The following MRTFA variants were observed in gnomAD, a reference collection of about 807,000 sequenced individuals.
MRTFA encodes the protein myocardin-related transcription factor A.
MRTFA carries 20 observed loss-of-function variants against 83.5 expected under a neutral mutation model. The ratio of observed to expected loss-of-function variants is 0.24; its 90% CI spans 0.17 to 0.35. The LOEUF is 0.35. Among genes scored for constraint, MRTFA ranks in the 10% least tolerant of loss-of-function variants. The probability of loss-of-function intolerance (pLI) is 1.00; values close to 1 mark genes in which losing one functional copy is unlikely to be tolerated. For missense variants in MRTFA, 1,200 were observed against 1,224.7 expected, an observed-to-expected ratio of 0.98 and a Z score of 0.30; for synonymous variants, 659 against 541.2, an observed-to-expected ratio of 1.22 and a Z score of -3.02.
chr22:40,554,326 C>T (rs185280151), intron 2 of MRTFA, among the ~76,000 whole-genome samples: 1 of 152,094 alleles, frequency 6.6e-6, no homozygotes, highest in South Asian at 2.1e-4. Flanking sequence ...GGCTGTGTCC[C>T]CACCCAAATC....
chr22:40,433,070 C>T (rs1569262062), intron 5 of MRTFA: 1 of 152,368 alleles, frequency 6.6e-6, no homozygotes, highest in South Asian at 2.1e-4. Flanking sequence ...AAAAGCTCCT[C>T]ATCCCTTCCC....
intron 1 of MRTFA, among the ~76,000 whole-genome samples, chr22:40,633,381 G>C (rs2056661407): frequency 6.6e-6 from 1 of 152,186 alleles, no homozygotes; most frequent in Non-Finnish European, 1.5e-5. Flanking sequence ...TAGTATATGA[G>C]CTTGCCACAG....
chr22:40,610,026 CTGTT>C (rs779219795), intron 1 of MRTFA, among the ~76,000 whole-genome samples: 11 of 148,358 alleles, frequency 7.4e-5, no homozygotes, highest in Non-Finnish European at 1.3e-4. Flanking sequence ...TTCCAAATGT[CTGTT>C]TCTTTTTTTT....
intron 3 of MRTFA, among the ~76,000 whole-genome samples, chr22:40,546,648 T>A (rs2055368874): frequency 6.6e-6 from 1 of 152,220 alleles, no homozygotes; most frequent in Non-Finnish European, 1.5e-5. Flanking sequence ...GACTGTAAAC[T>A]ATTCTTTCAG....
At chr22:40,502,154 G>GA (rs2054497478) in intron 3 of MRTFA, among the ~76,000 whole-genome samples, 13 of 142,354 alleles carry the variant, frequency 9.1e-5, no homozygotes, top group East Asian at 2.2e-4. Flanking sequence ...GGCCGGGCGG[G>GA]GGGCTGACCC....
chr22:40,587,464 C>CT, intron 2 of MRTFA: 1 of 333,700 alleles, frequency 3.0e-6, no homozygotes, highest in Non-Finnish European at 5.8e-6. Flanking sequence ...AGGCATAGCC[C>CT]TTTTTTGTAT....
At position 40,418,844 on chromosome 22, in the gene MRTFA, T is replaced by G; in HGVS notation, c.1894A>C (p.Lys632Gln). The G allele has an allele frequency of 6.2e-7, 1 of 1,612,120 alleles. No individual in the cohort carries two copies. The highest frequency in any genetic ancestry group is 8.5e-7 in the Non-Finnish European group (1 of 1,179,762). ...ATGCGCGTCAGCGCCTCGATCTGCT[T>G]GTCTTTCTCCTGCAGCATCTGGTCC... Residue 632 changes from lysine to glutamine, a missense_variant, in exon 12 of 15, where the codon AAG (lysine) becomes CAG (glutamine). Lys to Gln is a moderately conservative substitution (Grantham distance 53). Transcript: ENST00000355630.
chr22:40,425,781 C>A (rs1173644757), intron 7 of MRTFA, among the ~76,000 whole-genome samples: 1 of 152,224 alleles, frequency 6.6e-6, no homozygotes, highest in Non-Finnish European at 1.5e-5. Flanking sequence ...CAACGGTGAG[C>A]AAGGGTGGAG....
At chr22:40,583,660 T>A (rs977036047) in intron 2 of MRTFA, among the ~76,000 whole-genome samples, 1 of 152,176 alleles carries the variant, frequency 6.6e-6, no homozygotes, top group African/African-American at 2.4e-5. Flanking sequence ...TAGATTCTCA[T>A]AGGCAGCATT....
intron 3 of MRTFA, among the ~76,000 whole-genome samples, chr22:40,511,963 T>C (rs1474940669): frequency 6.6e-6 from 1 of 152,184 alleles, no homozygotes; most frequent in African/African-American, 2.4e-5. Flanking sequence ...ATTTTATGCT[T>C]AGGTGAACCA....
intron 4 of MRTFA, among the ~76,000 whole-genome samples, chr22:40,462,372 T>C (rs910866753): frequency 1.3e-5 from 2 of 152,210 alleles, no homozygotes; most frequent in African/African-American, 4.8e-5. Context: ...TAGGAAAATA[T>C]GGTAGCAGTC....
chr22:40,519,572 G>A (rs2054825728), intron 3 of MRTFA: 1 of 1,345,748 alleles, frequency 7.4e-7, no homozygotes, highest in Non-Finnish European at 9.9e-7. Flanking sequence ...GAGGTGAAAG[G>A]CAATCACGCT....
intron 3 of MRTFA, among the ~76,000 whole-genome samples, chr22:40,469,721 A>C (rs1335761540): frequency 1.3e-5 from 2 of 152,190 alleles, no homozygotes; most frequent in African/African-American, 4.8e-5. Context: ...CAAGCAATAA[A>C]ACAAATTTCA....
At chr22:40,620,149 G>A (rs1002841746) in intron 1 of MRTFA, among the ~76,000 whole-genome samples, 1 of 144,618 alleles carries the variant, frequency 6.9e-6, no homozygotes, top group Non-Finnish European at 1.5e-5. Context: ...TTTTGAGACA[G>A]AGTTTTGCTC....
intron 1 of MRTFA, among the ~76,000 whole-genome samples, chr22:40,625,278 A>C (rs1288735891): frequency 6.6e-6 from 1 of 151,878 alleles, no homozygotes; most frequent in Non-Finnish European, 1.5e-5. Context: ...CCAGGAGATC[A>C]AGATCAGCCT....
intron 3 of MRTFA, 142 bp downstream of exon 3, chr22:40,551,964 A>C (rs1481572294): frequency 2.6e-6 from 1 of 378,836 alleles, no homozygotes; most frequent in Non-Finnish European, 4.7e-6. Flanking sequence ...GATCACTTTA[A>C]CTTACAGCTA....
chr22:40,464,158 G>A (rs186073251), intron 3 of MRTFA, among the ~76,000 whole-genome samples: 104 of 151,482 alleles, frequency 6.9e-4, no homozygotes, highest in South Asian at 1.7e-3. Context: ...AAAATTAGTC[G>A]GGTGTGGTGG....
At chr22:40,599,735 C>T (rs1410534128) in intron 1 of MRTFA, among the ~76,000 whole-genome samples, 1 of 151,798 alleles carries the variant, frequency 6.6e-6, no homozygotes, top group African/African-American at 2.4e-5. Context: ...CCCATCGCTA[C>T]AAAAAATACA....
chr22:40,463,463 G>A, intron 3 of MRTFA, 177 bp from the exon 4 acceptor site: 1 of 570,228 alleles, frequency 1.8e-6, no homozygotes, highest in East Asian at 2.9e-5. Context: ...CAGAGTTTCC[G>A]TATTCTGCTG....
Sources: allele counts gnomAD v4.1 joint callset (sites outside exome capture counted in the v4.1 genomes callset), GRCh38; gene constraint gnomAD v4.1.1; transcripts MANE v1.5; gene names NCBI Gene and HGNC (gene_info 2026-07-23, HGNC 2026-07-21).